Variants in COL23A1 observed in about 807,000 individuals in gnomAD.
The protein encoded by COL23A1 is collagen alpha-1(XXIII) chain.
COL23A1 carries 97 observed loss-of-function variants against 99.3 expected under a neutral mutation model. The ratio of observed to expected loss-of-function variants is 0.98; its 90% CI spans 0.83 to 1.16. COL23A1 has a LOEUF of 1.16. COL23A1 is among the 50% of genes most tolerant of loss of function. The pLI, the probability that COL23A1 is intolerant of heterozygous loss-of-function variation, is 0.00. For synonymous variants in COL23A1, 320 were observed against 308.2 expected, an observed-to-expected ratio of 1.04 and a Z score of -0.40; for missense variants, 762 against 757.4, an observed-to-expected ratio of 1.01 and a Z score of -0.07.
intron 6 of COL23A1, among the ~76,000 whole-genome samples, chr5:178,269,442 T>C (rs1043508777): frequency 4.7e-3 from 166 of 35,284 alleles, no homozygotes; most frequent in African/African-American, 0.011. Flanking sequence ...CACCCACCCA[T>C]CCACCCATCC....
intron 1 of COL23A1, among the ~76,000 whole-genome samples, chr5:178,587,309 C>T (rs1764054553): frequency 6.6e-6 from 1 of 152,144 alleles, no homozygotes; most frequent in African/African-American, 2.4e-5. Flanking sequence ...CTTTAATGAT[C>T]ATGAGTTGAC....
In COL23A1 at chr5:178,321,706, G is replaced by A. The variant is rs1581148744; in HGVS notation, c.362-14787C>T. Among the ~76,000 whole-genome samples the A allele has an allele frequency of 2.6e-5, 4 of 151,618 alleles. No individual in the cohort carries two copies. The South Asian group carries it at 6.2e-4, about 24-fold the overall frequency. On this transcript the variant is annotated intron_variant, in intron 2 of 28. Transcript: ENST00000390654. ...GGGTTTCACTGTGTTAGCCAGGATG[G>A]TCTCTATCTCCCGACCTTGTGATCC...
At position 178,321,480 on chromosome 5, in the gene COL23A1, CTTTTTTTTTTTT is replaced by C. The variant is rs570803192; in HGVS notation, c.362-14573_362-14562del. 2.5e-4 allele frequency among the ~76,000 whole-genome samples: 27 copies of C among 109,028 alleles called. No homozygotes were observed. In the South Asian group the frequency reaches 4.6e-3, roughly 19 times the overall value. 71.5% of individuals were successfully genotyped at this position (109,028 alleles called of 152,430 possible). On this transcript the variant is annotated intron_variant, in intron 2 of 28. Transcript: ENST00000390654. ...ACCTGTGATGACGAGGTCACCTTCC[CTTTTTTTTTTTT>C]TTTTTTTTTTTTTTGGAGATGCAGT...
chr5:178,585,175 A>G (rs262042), intron 1 of COL23A1, among the ~76,000 whole-genome samples: 94,964 of 152,066 alleles, frequency 0.62, 31,691 homozygotes, highest in African/African-American at 0.87. Flanking sequence ...ACACCAAAGC[A>G]GAAGGAAGGC....
intron 2 of COL23A1, among the ~76,000 whole-genome samples, chr5:178,406,428 C>CTT (rs61274419): frequency 1.0e-3 from 142 of 142,014 alleles, no homozygotes; most frequent in Middle Eastern, 7.6e-3. Flanking sequence ...TACCTACACT[C>CTT]TTTTTTTTTT....
intron 2 of COL23A1, among the ~76,000 whole-genome samples, chr5:178,459,322 A>G (rs1264580978): frequency 6.6e-6 from 1 of 152,234 alleles, no homozygotes; most frequent in Non-Finnish European, 1.5e-5. Context: ...ATTTGCTTCC[A>G]AATTACCCAG....
intron 2 of COL23A1, among the ~76,000 whole-genome samples, chr5:178,431,048 G>A (rs972874841): frequency 6.6e-6 from 1 of 152,166 alleles, no homozygotes; most frequent in East Asian, 1.9e-4. Flanking sequence ...AGGCAGGGGA[G>A]GGAGACCAGA....
rs1229852835 is a variant in COL23A1, at chr5:178,415,107, G to A, written c.362-108188C>T. On this transcript the variant is annotated intron_variant, in intron 2 of 28. Transcript: ENST00000390654. This position sits in a 1 kb window ranked among gnomAD's most constrained non-coding sequence, Gnocchi z 4.6. Reference sequence around the variant, plus strand: ...TCTCAGCACGAAACCCGGAATATGTGAGTGCTGGTTCTCTCTGCCCCAGTG... The same window carrying A: ...TCTCAGCACGAAACCCGGAATATGTAAGTGCTGGTTCTCTCTGCCCCAGTG... Among the ~76,000 whole-genome samples the A allele has an allele frequency of 6.6e-6, 1 of 150,622 alleles. No homozygotes were observed. Among genetic ancestry groups the A allele is most frequent in the East Asian group, 2.0e-4 (1 of 5,084 alleles).
intron 2 of COL23A1, among the ~76,000 whole-genome samples, chr5:178,481,769 T>A (rs1386998787): frequency 6.7e-6 from 1 of 150,188 alleles, no homozygotes; most frequent in Non-Finnish European, 1.5e-5. Flanking sequence ...TGCTGGGCAT[T>A]AAAAATGGTG....
intron 2 of COL23A1, chr5:178,345,058 T>G (rs143325876): frequency 5.6e-5 from 33 of 586,578 alleles, no homozygotes; most frequent in African/African-American, 5.0e-4. Flanking sequence ...ATTTGGAATC[T>G]TATGTTAAAG....
In COL23A1 at chr5:178,365,460, CTCTT is replaced by C. The variant is rs915927703; in HGVS notation, c.362-58545_362-58542del. ...CTGACGGGTACCCGCCACCCAATCC[CTCTT>C]TCTTTTGACGGGTACCCGCCACCCA... On this transcript the variant is annotated intron_variant, in intron 2 of 28. Transcript: ENST00000390654. The surrounding 1 kb of genome is among the most constrained non-coding windows in gnomAD (Gnocchi z 5.2). Among the ~76,000 whole-genome samples the C allele has an allele frequency of 1.3e-5, 2 of 151,968 alleles. No homozygotes were observed. Among genetic ancestry groups the C allele is most frequent in the African/African-American group, 4.8e-5 (2 of 41,400 alleles).
Position 178,291,238 on chromosome 5 carries a change from G to A in COL23A1, c.407-869C>T, listed in dbSNP as rs372496835. Among the ~76,000 whole-genome samples the A allele has an allele frequency of 4.6e-5, 7 of 152,218 alleles. No homozygotes were observed. The South Asian group carries it at 1.0e-3, about 23-fold the overall frequency. Reference sequence around the variant, plus strand: ...GAGGCCACACGGGGAGGCAGCACCCGGCAGTCAGCGGCCAGCACGATTTAT... The same window carrying A: ...GAGGCCACACGGGGAGGCAGCACCCAGCAGTCAGCGGCCAGCACGATTTAT... On this transcript the variant is annotated intron_variant, in intron 3 of 28. Coordinates refer to ENST00000390654, the MANE Select transcript of COL23A1 (RefSeq NM_173465.4).
intron 2 of COL23A1, among the ~76,000 whole-genome samples, chr5:178,398,625 C>G (rs1459444994): frequency 1.3e-5 from 2 of 152,108 alleles, no homozygotes; most frequent in Non-Finnish European, 2.9e-5. Flanking sequence ...AGACTCTGTT[C>G]CCCCACCAAA....
At chr5:178,354,229 G>C (rs1458062798) in intron 2 of COL23A1, among the ~76,000 whole-genome samples, 1 of 152,074 alleles carries the variant, frequency 6.6e-6, no homozygotes, top group African/African-American at 2.4e-5. Flanking sequence ...CTGATTGACT[G>C]GGATAGGGTC....
At chr5:178,500,017 A>G (rs1184230888) in intron 2 of COL23A1, among the ~76,000 whole-genome samples, 1 of 152,212 alleles carries the variant, frequency 6.6e-6, no homozygotes, top group Admixed American at 6.5e-5. Context: ...AATAAGTTAT[A>G]GTAACAGAAA....
intron 2 of COL23A1, among the ~76,000 whole-genome samples, chr5:178,556,907 C>T (rs1355549888): frequency 2.0e-5 from 3 of 151,986 alleles, no homozygotes; most frequent in East Asian, 1.9e-4. Flanking sequence ...GAGCTGAGAT[C>T]GCGCCATTGC....
intron 3 of COL23A1, among the ~76,000 whole-genome samples, chr5:178,298,761 G>C (rs975527877): frequency 6.6e-6 from 1 of 152,198 alleles, no homozygotes; most frequent in African/African-American, 2.4e-5. Flanking sequence ...TAAAGGAGCA[G>C]AATGGGCCAG....
chr5:178,464,675 A>G lies in COL23A1; in HGVS notation c.361+96007T>C, dbSNP rs553349914. Reference sequence around the variant, plus strand: ...AGCTTCCCCACTTCACCATTAAACAATAGAAAAAGCTGGATTTTTAAAGGG... The same window carrying G: ...AGCTTCCCCACTTCACCATTAAACAGTAGAAAAAGCTGGATTTTTAAAGGG... On this transcript the variant is annotated intron_variant, in intron 2 of 28. Coordinates refer to ENST00000390654, the MANE Select transcript of COL23A1 (RefSeq NM_173465.4). 9.8e-5 allele frequency among the ~76,000 whole-genome samples: 15 copies of G among 152,342 alleles called. 1 individual carries two copies. The South Asian group carries it at 2.9e-3, about 29-fold the overall frequency.
At chr5:178,401,838 G>A (rs1016201777) in intron 2 of COL23A1, among the ~76,000 whole-genome samples, 3 of 152,068 alleles carry the variant, frequency 2.0e-5, no homozygotes, top group Non-Finnish European at 2.9e-5. Flanking sequence ...CTTTTGAGAT[G>A]GAGTCTCGCT....
Sources: gnomAD v4.1 joint callset for allele counts (sites outside exome capture counted in the v4.1 genomes callset) on GRCh38, gnomAD v4.1.1 for gene constraint, Gnocchi (gnomAD v3.1) non-coding constraint, MANE v1.5 for transcripts, NCBI Gene and HGNC (gene_info 2026-07-23, HGNC 2026-07-21) for gene names.